PSMD1: variants seen among roughly 807,000 people sequenced by gnomAD.
PSMD1 encodes the protein proteasome 26S subunit, non-ATPase 1.
PSMD1 carries 18 observed loss-of-function variants against 119.0 expected under a neutral mutation model. The observed-to-expected ratio is 0.15, with a 90% confidence interval of 0.10 to 0.22. The LOEUF is 0.22. Ranked by LOEUF, PSMD1 falls within the 10% of genes least tolerant of loss-of-function variation. The probability of loss-of-function intolerance (pLI) is 1.00; values close to 1 mark genes in which losing one functional copy is unlikely to be tolerated. For synonymous variants in PSMD1, 374 were observed against 396.6 expected, an observed-to-expected ratio of 0.94 and a Z score of 0.68; for missense variants, 702 against 1,158.5, an observed-to-expected ratio of 0.61 and a Z score of 5.72.
At chr2:231,108,869 A>G (rs765412351) in intron 16 of PSMD1, 6 of 1,614,036 alleles carry the variant, frequency 3.7e-6, no homozygotes, top group Non-Finnish European at 5.1e-6. Flanking sequence ...TATCCACACA[A>G]ATATCTCCAG....
intron 16 of PSMD1, among the ~76,000 whole-genome samples, chr2:231,128,621 C>T (rs1468106803): frequency 6.6e-6 from 1 of 152,214 alleles, no homozygotes; most frequent in Non-Finnish European, 1.5e-5. Context: ...ATCATGTTAT[C>T]ATTCCTTTCC....
At chr2:231,084,818 A>T (rs1214260137) in intron 14 of PSMD1, among the ~76,000 whole-genome samples, 1 of 152,170 alleles carries the variant, frequency 6.6e-6, no homozygotes, top group African/African-American at 2.4e-5. Flanking sequence ...CGTATTGGGA[A>T]TTAAGAGCAG....
intron 16 of PSMD1, among the ~76,000 whole-genome samples, chr2:231,116,893 G>T (rs1695356410): frequency 6.6e-6 from 1 of 151,868 alleles, no homozygotes. Flanking sequence ...AACACTGGTG[G>T]ATAGTTTTAA....
intron 14 of PSMD1, among the ~76,000 whole-genome samples, chr2:231,084,581 A>C (rs1053537790): frequency 6.6e-6 from 1 of 152,080 alleles, no homozygotes; most frequent in Non-Finnish European, 1.5e-5. Flanking sequence ...CCACTGCTAT[A>C]GTTTATTGAT....
chr2:231,080,851 T>C (rs1694292046), intron 12 of PSMD1, among the ~76,000 whole-genome samples: 2 of 152,032 alleles, frequency 1.3e-5, no homozygotes, highest in Admixed American at 1.3e-4. Context: ...AGTGAAAAGA[T>C]TGAAGCCAGG....
chr2:231,099,558 T>C (rs1694812815), intron 16 of PSMD1, among the ~76,000 whole-genome samples: 1 of 152,198 alleles, frequency 6.6e-6, no homozygotes, highest in African/African-American at 2.4e-5. Flanking sequence ...GTTACCATCT[T>C]TATCTCCCTT....
In PSMD1 at chr2:231,056,958, C is replaced by G; in HGVS notation, c.-68C>G. 2.0e-6 allele frequency: 3 copies of G among 1,537,404 alleles called. No homozygotes were observed. The highest frequency in any genetic ancestry group is 2.5e-5 in the East Asian group (1 of 39,926). On this transcript the variant is annotated 5_prime_UTR_variant, in exon 1 of 25. Coordinates refer to ENST00000308696, the MANE Select transcript of PSMD1 (RefSeq NM_002807.4). Reference sequence around the variant, plus strand: ...GGAGGCGCGGTGAACTGAGCGGCCCCTGAGCTGACAGATACACTGCGCAGC... The same window carrying G: ...GGAGGCGCGGTGAACTGAGCGGCCCGTGAGCTGACAGATACACTGCGCAGC...
chr2:231,083,756 G>T lies in PSMD1; in HGVS notation c.1715G>T (p.Arg572Leu). The change falls in exon 14 of 25, where the codon CGT becomes CTT. Residue 572 changes from arginine (R) to leucine (L), a missense_variant. This residue lies in a region of PSMD1 where 272 missense variants were observed against 511.6 expected (regional missense o/e 0.53). Coordinates refer to ENST00000308696, the MANE Select transcript of PSMD1 (RefSeq NM_002807.4). ...GATGCTCTCATTGAATCTCTCTGTCGTGACAAGGTGAGATCACATACGTCC... is the reference window on the plus strand; with the variant it reads ...GATGCTCTCATTGAATCTCTCTGTCTTGACAAGGTGAGATCACATACGTCC... Reference protein sequence around the residue: ...EADALIESLCRDKDPILRRSG... With the variant: ...EADALIESLCLDKDPILRRSG... The T allele has an allele frequency of 3.7e-6, 6 of 1,614,072 alleles. No homozygotes were observed. Among genetic ancestry groups the T allele is most frequent in the Non-Finnish European group, 3.4e-6 (4 of 1,179,970 alleles).
intron 16 of PSMD1, chr2:231,123,792 T>A: frequency 2.0e-6 from 3 of 1,515,970 alleles, no homozygotes; most frequent in Non-Finnish European, 2.8e-6. Flanking sequence ...TTCAATCCCG[T>A]TCCGAACAGT....
chr2:231,132,449 GC>G (rs1695876633), intron 16 of PSMD1, among the ~76,000 whole-genome samples: 2 of 152,092 alleles, frequency 1.3e-5, no homozygotes, highest in Non-Finnish European at 2.9e-5. Context: ...AATATAACCA[GC>G]TTTCTAGGTT....
chr2:231,089,029 A>C (rs531857604), intron 16 of PSMD1, among the ~76,000 whole-genome samples: 141 of 152,346 alleles, frequency 9.3e-4, no homozygotes, highest in Non-Finnish European at 1.7e-3. Flanking sequence ...AGAGAAGATC[A>C]AAGCAGCCAC....
In PSMD1 at chr2:231,062,285, A is replaced by G; in HGVS notation, c.98A>G (p.Asp33Gly). Residue 33 changes from aspartate (D) to glycine (G), a missense_variant, in exon 3 of 25, where the codon GAC becomes GGC. Around this residue, in one of 9 missense-constraint regions of PSMD1, gnomAD observed 60 missense variants for 118.2 expected, o/e 0.51. Coordinates refer to ENST00000308696, the MANE Select transcript of PSMD1 (RefSeq NM_002807.4). ...ALHKLNAVVN[D>G]FWAEISESVD... is the part of the protein sequence containing the mutation. ...CACAAATTGAATGCAGTTGTTAATG[A>G]CTTCTGGGCAGAAATTTCCGAGTCC... 1 of 1,613,284 alleles carries G rather than the reference A, an allele frequency of 6.2e-7. No individual in the cohort carries two copies. Among genetic ancestry groups the G allele is most frequent in the Non-Finnish European group, 8.5e-7 (1 of 1,179,374 alleles).
At chr2:231,145,109 A>G (rs952409210) in intron 17 of PSMD1, among the ~76,000 whole-genome samples, 1 of 152,218 alleles carries the variant, frequency 6.6e-6, no homozygotes, top group Non-Finnish European at 1.5e-5. Flanking sequence ...ACTTCTTACT[A>G]CACTGTTGGA....
chr2:231,160,901 T>G (rs1574777631), intron 19 of PSMD1, among the ~76,000 whole-genome samples: 2 of 152,342 alleles, frequency 1.3e-5, no homozygotes, highest in South Asian at 4.1e-4. Flanking sequence ...GTTTCCCTAC[T>G]GCAGCACTTA....
chr2:231,128,522 TA>T (rs1334160527), intron 16 of PSMD1, among the ~76,000 whole-genome samples: 1 of 152,254 alleles, frequency 6.6e-6, no homozygotes, highest in African/African-American at 2.4e-5. Context: ...CCTGTTATTT[TA>T]ACGAAAGACT....
chr2:231,067,379 A>G (rs1289415177), intron 5 of PSMD1, among the ~76,000 whole-genome samples: 1 of 152,244 alleles, frequency 6.6e-6, no homozygotes, highest in African/African-American at 2.4e-5. Flanking sequence ...TTAAGAAGAC[A>G]ATAAACTATA....
chr2:231,127,732 A>G (rs1478852089), intron 16 of PSMD1, among the ~76,000 whole-genome samples: 2 of 152,244 alleles, frequency 1.3e-5, no homozygotes, highest in Non-Finnish European at 2.9e-5. Context: ...AGGCTAGATC[A>G]TGTTCATTCA....
chr2:231,092,315 C>T (rs961285016), intron 16 of PSMD1, among the ~76,000 whole-genome samples: 6 of 152,122 alleles, frequency 3.9e-5, no homozygotes, highest in African/African-American at 1.4e-4. Context: ...CAAACCAAAC[C>T]TGTCCCTGCA....
chr2:231,104,235 C>G (rs1694930203), intron 16 of PSMD1, among the ~76,000 whole-genome samples: 1 of 152,110 alleles, frequency 6.6e-6, no homozygotes, highest in Admixed American at 6.5e-5. Flanking sequence ...TCTGATGGTG[C>G]TTTGCTCTCT....
Sources: allele counts gnomAD v4.1 joint callset (sites outside exome capture counted in the v4.1 genomes callset), GRCh38; gene constraint gnomAD v4.1.1; regional missense constraint gnomAD v4.1.1; transcripts MANE v1.5; gene names NCBI Gene and HGNC (gene_info 2026-07-23, HGNC 2026-07-21).